The following TIAM1 variants were observed in gnomAD, a reference collection of about 807,000 sequenced individuals.
TIAM1 encodes the protein TIAM Rac1 associated GEF 1, also known as rho guanine nucleotide exchange factor TIAM1.
A neutral mutation model predicts 163.5 loss-of-function variants in TIAM1; 65 were observed. The observed-to-expected ratio is 0.40, with a 90% CI of 0.33 to 0.49. TIAM1 has a LOEUF of 0.49. TIAM1 is among the 20% of genes least tolerant of loss of function. TIAM1 has a pLI of 0.77. For synonymous variants in TIAM1, 833 were observed against 810.1 expected (o/e 1.03, Z -0.48); for missense variants, 1,789 against 2,044.7 (o/e 0.87, Z 2.41).
intron 8 of TIAM1, among the ~76,000 whole-genome samples, chr21:31,219,867 A>G (rs2087457668): frequency 6.6e-6 from 1 of 152,234 alleles, no homozygotes; most frequent in Non-Finnish European, 1.5e-5. Context: ...GAACAAAATC[A>G]CAAGACAAAC....
At chr21:31,531,023 G>A (rs538003237) in intron 1 of TIAM1, among the ~76,000 whole-genome samples, 3 of 152,084 alleles carry the variant, frequency 2.0e-5, no homozygotes, top group East Asian at 1.9e-4. Context: ...ATGGCGGCTT[G>A]TACTTTTCCA....
At chr21:31,198,279 T>C (rs2085990156) in intron 12 of TIAM1, among the ~76,000 whole-genome samples, 1 of 152,134 alleles carries the variant, frequency 6.6e-6, no homozygotes, top group Admixed American at 6.5e-5. Flanking sequence ...AGCATAATAC[T>C]TGTGACTCAG....
chr21:31,174,944 C>G (rs1435037762), intron 15 of TIAM1, among the ~76,000 whole-genome samples: 4 of 152,042 alleles, frequency 2.6e-5, no homozygotes, highest in Non-Finnish European at 4.4e-5. Flanking sequence ...TCGTGCCCAG[C>G]CTGTTACTTT....
At chr21:31,132,322 G>A (rs181266751) in intron 23 of TIAM1, among the ~76,000 whole-genome samples, 2 of 152,250 alleles carry the variant, frequency 1.3e-5, no homozygotes, top group African/African-American at 2.4e-5. Context: ...CCAGCCACTC[G>A]GTCTAGACTG....
rs546719209 is a variant in TIAM1, at chr21:31,435,040, G to A, written c.-369+28943C>T. ...ATCAGTCTGAACAGACTACGGAGAT[G>A]TCTTTGGTACTGAGCAGATTCTTGG... On this transcript the variant is annotated intron_variant, in intron 2 of 28. Transcript: ENST00000286827. Among the ~76,000 whole-genome samples, 25 of 152,342 alleles carry A rather than the reference G, an allele frequency of 1.6e-4. No individual in the cohort carries two copies. The South Asian group carries it at 4.6e-3, about 28-fold the overall frequency.
intron 25 of TIAM1, among the ~76,000 whole-genome samples, chr21:31,129,537 G>C (rs534419741): frequency 6.6e-5 from 10 of 152,326 alleles, no homozygotes; most frequent in African/African-American, 2.2e-4. Context: ...AAAATTAGCT[G>C]GTTGTGCTGG....
At chr21:31,179,491 C>T (rs946209487) in intron 15 of TIAM1, among the ~76,000 whole-genome samples, 1 of 151,570 alleles carries the variant, frequency 6.6e-6, no homozygotes, top group African/African-American at 2.4e-5. Flanking sequence ...AGCTCCATGC[C>T]TGGCACATAG....
chr21:31,250,057 G>C (rs1451333817), intron 5 of TIAM1, among the ~76,000 whole-genome samples: 1 of 149,496 alleles, frequency 6.7e-6, no homozygotes, highest in Non-Finnish European at 1.5e-5. Flanking sequence ...GAAGCAGGAG[G>C]ATCACTTGAG....
chr21:31,552,309 A>G (rs896715371), intron 1 of TIAM1, among the ~76,000 whole-genome samples: 1 of 152,184 alleles, frequency 6.6e-6, no homozygotes, highest in African/African-American at 2.4e-5. Context: ...GAGTCGAAGT[A>G]TCTGCATGAA....
chr21:31,409,696 G>T (rs2077312197), intron 2 of TIAM1, among the ~76,000 whole-genome samples: 1 of 130,360 alleles, frequency 7.7e-6, no homozygotes. Flanking sequence ...ATACACCTCT[G>T]CCCCTCTCCA....
At chr21:31,270,952 C>T (rs559094652) in intron 3 of TIAM1, among the ~76,000 whole-genome samples, 5 of 152,286 alleles carry the variant, frequency 3.3e-5, no homozygotes, top group African/African-American at 1.2e-4. Flanking sequence ...AATCAAATGT[C>T]CCCTGGTCAA....
At chr21:31,434,665 G>A (rs898993968) in intron 2 of TIAM1, among the ~76,000 whole-genome samples, 7 of 152,134 alleles carry the variant, frequency 4.6e-5, no homozygotes, top group African/African-American at 1.2e-4. Flanking sequence ...AACCACAACC[G>A]TGTTTTAATT....
At chr21:31,549,016 A>G (rs889908034) in intron 1 of TIAM1, among the ~76,000 whole-genome samples, 2 of 152,224 alleles carry the variant, frequency 1.3e-5, no homozygotes, top group Admixed American at 1.3e-4. Context: ...ACCACCCAGC[A>G]AAAGTTTAAC....
intron 20 of TIAM1, among the ~76,000 whole-genome samples, chr21:31,142,601 A>G (rs2082900051): frequency 6.8e-6 from 1 of 146,324 alleles, no homozygotes; most frequent in Non-Finnish European, 1.5e-5. Flanking sequence ...ACTGCACTCC[A>G]GCCTGAGTGA....
chr21:31,142,651 GA>G (rs1198849402), intron 20 of TIAM1, among the ~76,000 whole-genome samples: 2 of 145,118 alleles, frequency 1.4e-5, no homozygotes, highest in African/African-American at 5.2e-5. Context: ...AAAAAAGAAA[GA>G]AAAAAAGAAA....
intron 1 of TIAM1, among the ~76,000 whole-genome samples, chr21:31,490,410 G>C (rs2046424535): frequency 6.6e-6 from 1 of 151,700 alleles, no homozygotes; most frequent in South Asian, 2.1e-4. Flanking sequence ...ATTTTTTTTA[G>C]ACTGCCAGCA....
At chr21:31,482,372 G>A (rs551093292) in intron 1 of TIAM1, among the ~76,000 whole-genome samples, 4 of 152,038 alleles carry the variant, frequency 2.6e-5, no homozygotes, top group East Asian at 1.9e-4. Context: ...GGCTGGTCTC[G>A]AACTCCTGAC....
At chr21:31,441,797 C>G (rs1214298581) in intron 2 of TIAM1, among the ~76,000 whole-genome samples, 1 of 151,100 alleles carries the variant, frequency 6.6e-6, no homozygotes, top group East Asian at 2.0e-4. Context: ...GCCTGTAATC[C>G]CAGCACTTTG....
At chr21:31,347,715 C>T (rs149886157), upstream of TIAM1, among the ~76,000 whole-genome samples, 396 of 152,238 alleles carry the variant, frequency 2.6e-3, 1 homozygote, top group African/African-American at 9.2e-3. Context: ...CACACATCAC[C>T]GCAAAAGAAA....
Sources: allele counts gnomAD v4.1 joint callset (sites outside exome capture counted in the v4.1 genomes callset), GRCh38; gene constraint gnomAD v4.1.1; transcripts MANE v1.5; gene names NCBI Gene and HGNC (gene_info 2026-07-23, HGNC 2026-07-21).